RTN4RL2: variants seen among roughly 807,000 people sequenced by gnomAD.
RTN4RL2 encodes the protein reticulon-4 receptor-like 2.
A neutral mutation model predicts 27.8 loss-of-function variants in RTN4RL2; 9 were observed. That is an observed-to-expected ratio of 0.32 (90% CI 0.20 to 0.57). The LOEUF is 0.57. Ranked by LOEUF, RTN4RL2 falls within the 20% of genes least tolerant of loss-of-function variation. RTN4RL2 has a pLI of 0.90. For missense variants in RTN4RL2, 436 were observed against 596.8 expected (o/e 0.73, Z 2.81); for synonymous variants, 285 against 297.9 (o/e 0.96, Z 0.45).
intron 2 of RTN4RL2, chr11:57,468,621 A>ACGG: frequency 2.6e-6 from 4 of 1,536,568 alleles, no homozygotes; most frequent in Non-Finnish European, 3.5e-6. Flanking sequence ...GTCTGCCCAC[A>ACGG]TCACGGTGAA....
intron 2 of RTN4RL2, chr11:57,468,636 A>T (rs772541198): frequency 2.0e-6 from 3 of 1,536,344 alleles, no homozygotes; most frequent in South Asian, 2.4e-5. Flanking sequence ...GGTGAAGTAG[A>T]GAGAGAAGGC....
Position 57,468,031 on chromosome 11 carries a change from C to A in RTN4RL2, c.454C>A (p.Arg152=). The change falls in exon 2 of 3, where the codon CGA becomes AGA. Residue 152 remains arginine, a synonymous_variant. Transcript: ENST00000335099. ...CAGCAGCCTGCCCGGCAACATCTTC[C>A]GAGGCCTGGTCAGCCTGCAGTACCT... ...QLSSLPGNIF[R]GLVSLQYLYL... The A allele has an allele frequency of 1.2e-6, 2 of 1,600,692 alleles. No homozygotes were observed. The highest frequency in any genetic ancestry group is 1.7e-6 in the Non-Finnish European group (2 of 1,179,892).
rs377503720 is a variant in RTN4RL2 at position 57,460,747 on chromosome 11, C to T, written c.-119C>T. On this transcript the variant is annotated 5_prime_UTR_variant, in exon 1 of 3. Coordinates refer to ENST00000335099, the MANE Select transcript of RTN4RL2 (RefSeq NM_178570.3). Reference sequence around the variant, plus strand: ...GAGCGCCGCGGCCCGGCCACGCAGCCCGGGGACTCCCGGGCCCTCCCGGAG... The same window carrying T: ...GAGCGCCGCGGCCCGGCCACGCAGCTCGGGGACTCCCGGGCCCTCCCGGAG... 170 of 439,556 alleles carry T rather than the reference C, an allele frequency of 3.9e-4. 2 individuals are homozygous for T. The East Asian group carries it at 6.4e-3, about 16-fold the overall frequency. The allele number at this position is 439,556 out of a possible 1,614,324, so 27.2% of individuals were successfully genotyped here. A position where few individuals can be genotyped will look rare whatever the true frequency, so the allele number is the denominator to read the frequency against.
intron 1 of RTN4RL2, among the ~76,000 whole-genome samples, chr11:57,461,694 G>T (rs902210681): frequency 6.6e-6 from 1 of 152,050 alleles, no homozygotes; most frequent in Non-Finnish European, 1.5e-5. Context: ...GATGGAGGTA[G>T]CGGGAAAGAG....
At chr11:57,466,058 T>G (rs967542806) in intron 1 of RTN4RL2, among the ~76,000 whole-genome samples, 2 of 140,956 alleles carry the variant, frequency 1.4e-5, no homozygotes, top group Non-Finnish European at 3.0e-5. Flanking sequence ...TGGAGTGCAG[T>G]GGTGCGATCT....
chr11:57,473,926 C>T (rs914709960), intron 2 of RTN4RL2, among the ~76,000 whole-genome samples: 2 of 152,098 alleles, frequency 1.3e-5, no homozygotes, highest in African/African-American at 4.8e-5. Flanking sequence ...TCTGACCTCC[C>T]GAGGTCCCCC....
At chr11:57,463,888 G>C (rs973676847) in intron 1 of RTN4RL2, among the ~76,000 whole-genome samples, 3 of 151,540 alleles carry the variant, frequency 2.0e-5, no homozygotes, top group East Asian at 2.0e-4. Flanking sequence ...TGGAGTGCTC[G>C]CTCCAGCCCC....
In RTN4RL2 at chr11:57,477,207, C is replaced by T. The variant is rs1392879388; in HGVS notation, c.*296C>T. On this transcript the variant is annotated 3_prime_UTR_variant, in exon 3 of 3. Transcript: ENST00000335099. ...TGGGGCCCCCCAGGCAGCCGCTGAC[C>T]CGCACTCCTAAGGGCCCACAGCGGA... is the stretch of plus-strand genomic sequence containing the variant. 3 of 362,382 alleles carry T rather than the reference C, an allele frequency of 8.3e-6. No homozygotes were observed. Among genetic ancestry groups the T allele is most frequent in the Non-Finnish European group, 1.5e-5 (3 of 202,142 alleles). 22.4% of individuals were successfully genotyped at this position (362,382 alleles called of 1,614,324 possible).
At chr11:57,463,837 C>T (rs529025693) in intron 1 of RTN4RL2, among the ~76,000 whole-genome samples, 1 of 152,160 alleles carries the variant, frequency 6.6e-6, no homozygotes, top group African/African-American at 2.4e-5. Context: ...AAAGGCACAG[C>T]TCTCTAGTCC....
chr11:57,477,032 GCTCCTCTC>G lies in RTN4RL2; in HGVS notation c.*126_*133del. ...CTTGCTGCCTCCCTTTCCCCTCCCAGCTCCTCTCCTCCCCGGGGAGCAGGCCGCCTCTC... is the reference window on the plus strand; with the variant it reads ...CTTGCTGCCTCCCTTTCCCCTCCCAGCTCCCCGGGGAGCAGGCCGCCTCTC... On this transcript the variant is annotated 3_prime_UTR_variant, in exon 3 of 3. Transcript: ENST00000335099. 1 of 1,017,470 alleles carries G rather than the reference GCTCCTCTC, an allele frequency of 9.8e-7. No individual in the cohort carries two copies. The highest frequency in any genetic ancestry group is 1.4e-6 in the Non-Finnish European group (1 of 731,208). 63.0% of individuals were successfully genotyped at this position (1,017,470 alleles called of 1,614,324 possible). A position where few individuals can be genotyped will look rare whatever the true frequency, so the allele number is the denominator to read the frequency against.
chr11:57,461,290 A>T (rs1419278010), intron 1 of RTN4RL2, among the ~76,000 whole-genome samples: 1 of 152,116 alleles, frequency 6.6e-6, no homozygotes, highest in Non-Finnish European at 1.5e-5. Flanking sequence ...CTGGGAAGAC[A>T]GGAGATGTGG....
In RTN4RL2 at chr11:57,474,598, G is replaced by C. The variant is rs554510370; in HGVS notation, c.514-1564G>C. On this transcript the variant is annotated intron_variant, in intron 2 of 2. Coordinates refer to ENST00000335099, the MANE Select transcript of RTN4RL2 (RefSeq NM_178570.3). ...GACCACAGTGATGCCCTGCACAAGA[G>C]GGGAGGACCTCAAGGCAGTGAGGTC... is the stretch of plus-strand genomic sequence containing the variant. 2.6e-5 allele frequency among the ~76,000 whole-genome samples: 4 copies of C among 152,330 alleles called. No homozygotes were observed. The East Asian group carries it at 7.7e-4, about 29-fold the overall frequency.
intron 2 of RTN4RL2, among the ~76,000 whole-genome samples, chr11:57,470,792 C>T (rs1185418675): frequency 6.6e-6 from 1 of 151,976 alleles, no homozygotes; most frequent in Non-Finnish European, 1.5e-5. Flanking sequence ...AGCTTGAATC[C>T]CCGATCTACT....
In RTN4RL2 at chr11:57,467,795, G is replaced by C; in HGVS notation, c.218G>C (p.Arg73Pro). Residue 73 changes from arginine (R) to proline (P), a missense_variant, in exon 2 of 3, where the codon CGC (arginine) becomes CCC (proline). Coordinates refer to ENST00000335099, the MANE Select transcript of RTN4RL2 (RefSeq NM_178570.3). The surrounding 1 kb of genome is among the most constrained non-coding windows in gnomAD (Gnocchi z 5.5). Reference sequence around the variant, plus strand: ...CTCTTCCTGCAGAACAACCTCATCCGCACGCTGCGGCCAGGCACCTTTGGG... The same window carrying C: ...CTCTTCCTGCAGAACAACCTCATCCCCACGCTGCGGCCAGGCACCTTTGGG... ...QRLFLQNNLI[R>P]TLRPGTFGSN... 1 of 1,613,950 alleles carries C rather than the reference G, an allele frequency of 6.2e-7. No homozygotes were observed. Among genetic ancestry groups the C allele is most frequent in the Non-Finnish European group, 8.5e-7 (1 of 1,180,002 alleles).
chr11:57,473,881 A>G (rs1158777041), intron 2 of RTN4RL2, among the ~76,000 whole-genome samples: 1 of 152,020 alleles, frequency 6.6e-6, no homozygotes, highest in Non-Finnish European at 1.5e-5. Context: ...AAGGCACCTG[A>G]ATTCCCTAGG....
At chr11:57,468,471 C>T (rs1943542125) in intron 2 of RTN4RL2, 8 of 1,208,316 alleles carry the variant, frequency 6.6e-6, no homozygotes, top group Non-Finnish European at 9.3e-6. Flanking sequence ...ACACCCACTC[C>T]GCATACACCC....
chr11:57,475,466 G>T (rs1439459436), intron 2 of RTN4RL2, among the ~76,000 whole-genome samples: 1 of 151,612 alleles, frequency 6.6e-6, no homozygotes, highest in Non-Finnish European at 1.5e-5. Flanking sequence ...CCATTTTACA[G>T]ATGAGGAAAC....
Position 57,476,603 on chromosome 11 carries a change from G to A in RTN4RL2, c.955G>A (p.Gly319Ser), listed in dbSNP as rs1943597981. ...TCCGCCCGCGGCACCCACGCGGCCGGGCAGCCGCGCCCGCGGCAACAGCTC... is the reference window on the plus strand; with the variant it reads ...TCCGCCCGCGGCACCCACGCGGCCGAGCAGCCGCGCCCGCGGCAACAGCTC... ...ACPPAAPTRP[G>S]SRARGNSSSN... is the part of the protein sequence containing the mutation. Residue 319 changes from glycine (G) to serine (S), a missense_variant, in exon 3 of 3, where the codon GGC becomes AGC. Transcript: ENST00000335099. This position sits in a 1 kb window ranked among gnomAD's most constrained non-coding sequence, Gnocchi z 8.2. 7.1e-7 allele frequency: 1 copy of A among 1,403,120 alleles called. No homozygotes were observed. Among genetic ancestry groups the A allele is most frequent in the Non-Finnish European group, 9.2e-7 (1 of 1,085,466 alleles). 86.9% of individuals were successfully genotyped at this position (1,403,120 alleles called of 1,614,324 possible).
intron 1 of RTN4RL2, among the ~76,000 whole-genome samples, chr11:57,465,191 G>GCGCCACACT: frequency 6.6e-6 from 1 of 152,230 alleles, no homozygotes; most frequent in Non-Finnish European, 1.5e-5. Context: ...TGGGATGCCA[G>GCGCCACACT]CGCCACACTC....
Sources: gnomAD v4.1 joint callset for allele counts (sites outside exome capture counted in the v4.1 genomes callset) on GRCh38, gnomAD v4.1.1 for gene constraint, Gnocchi (gnomAD v3.1) non-coding constraint, MANE v1.5 for transcripts, NCBI Gene and HGNC (gene_info 2026-07-23, HGNC 2026-07-21) for gene names.